PELI1: variants seen among roughly 807,000 people sequenced by gnomAD.
PELI1 encodes the protein pellino E3 ubiquitin protein ligase 1.
In PELI1, 15 loss-of-function variants were observed where a neutral mutation model predicts 41.3. That is an observed-to-expected ratio of 0.36 (90% CI 0.24 to 0.56). The LOEUF is 0.56. Ranked by LOEUF, PELI1 falls within the 20% of genes least tolerant of loss-of-function variation. The pLI is 0.82. For synonymous variants in PELI1, 178 were observed against 180.1 expected (o/e 0.99, Z 0.09); for missense variants, 403 against 525.5 (o/e 0.77, Z 2.28).
In PELI1 at chr2:64,092,813, C is replaced by T. The variant is rs1680099406; in HGVS notation, c.*1889G>A. The stretch of plus-strand genomic sequence containing the variant: ...TTCACAGTTTTCACTTCTGGTTTCT[C>T]ATTCTCGATTATGCAAAAATGAACT... On this transcript the variant is annotated 3_prime_UTR_variant, in exon 7 of 7. Transcript: ENST00000358912. 1 of 152,178 alleles carries T rather than the reference C, an allele frequency of 6.6e-6. No individual in the cohort carries two copies. Among genetic ancestry groups the T allele is most frequent in the Non-Finnish European group, 1.5e-5 (1 of 68,022 alleles). 9.4% of individuals were successfully genotyped at this position (152,178 alleles called of 1,614,324 possible).
intron 1 of PELI1, among the ~76,000 whole-genome samples, chr2:64,131,765 C>T (rs977278622): frequency 2.0e-5 from 3 of 152,056 alleles, no homozygotes; most frequent in Admixed American, 6.6e-5. Context: ...AGATTACAGG[C>T]ACACACCACC....
chr2:64,143,618 G>A (rs1457194916), intron 1 of PELI1: 1 of 152,176 alleles, frequency 6.6e-6, no homozygotes, highest in Non-Finnish European at 1.5e-5. Flanking sequence ...CAGAGATGAT[G>A]ACAACAATCA....
chr2:64,138,085 G>C (rs1012652448), intron 1 of PELI1, among the ~76,000 whole-genome samples: 1 of 152,098 alleles, frequency 6.6e-6, no homozygotes, highest in African/African-American at 2.4e-5. Flanking sequence ...CCCTGATCTA[G>C]TTACGCTAGT....
rs1266117870 is a variant in PELI1 at position 64,124,961 on chromosome 2, T to C, written c.-69-16582A>G. Among the ~76,000 whole-genome samples, 3 of 152,066 alleles carry C rather than the reference T, an allele frequency of 2.0e-5. No individual in the cohort carries two copies. The East Asian group carries it at 5.8e-4, about 29-fold the overall frequency. ...CCCACAACCCCCTCCTCAGGTTCCA[T>C]AATTTACTGGTACAGCTCACAGAAG... On this transcript the variant is annotated intron_variant, in intron 1 of 6. Coordinates refer to ENST00000358912, the MANE Select transcript of PELI1 (RefSeq NM_020651.4).
intron 2 of PELI1, 59 bp downstream of exon 2, chr2:64,108,181 G>C: frequency 2.2e-6 from 2 of 917,994 alleles, no homozygotes; most frequent in South Asian, 3.1e-5. Context: ...TTTTAGCCTA[G>C]ATGCCAAAGT....
chr2:64,104,538 G>A (rs764773125), intron 3 of PELI1, 163 bp downstream of exon 3: 17 of 1,086,550 alleles, frequency 1.6e-5, no homozygotes, highest in Non-Finnish European at 7.2e-6. Flanking sequence ...CTTCCATATG[G>A]CAGCTCTTCA....
In PELI1 at chr2:64,095,199, G is replaced by A. The variant is rs1164957720; in HGVS notation, c.760C>T (p.Arg254Cys). The change falls in exon 7 of 7, where the codon CGT (arginine) becomes TGT (cysteine). Residue 254 changes from arginine (R) to cysteine (C), a missense_variant. Arg to Cys is a radical substitution (Grantham distance 180, BLOSUM62 -3). Transcript: ENST00000358912. ...GTGTGGGAAAGGCCTTCTGCAGTAC[G>A]CCATAACAATGTTGCACCACAGAGG... is the stretch of plus-strand genomic sequence containing the variant. ...IDLCGATLLW[R>C]TAEGLSHTPT... 1.2e-6 allele frequency: 2 copies of A among 1,613,792 alleles called. No individual in the cohort carries two copies. The highest frequency in any genetic ancestry group is 1.1e-5 in the South Asian group (1 of 91,080).
rs1028490615 is a variant in PELI1, at chr2:64,126,201, G to C, written c.-69-17822C>G. ...TTTTTTTGAGACGGAGTCTCACTCT[G>C]TTGCCAGGCTGGAGTGCAGTCACAC... On this transcript the variant is annotated intron_variant, in intron 1 of 6. Transcript: ENST00000358912. Among the ~76,000 whole-genome samples the C allele has an allele frequency of 5.9e-5, 9 of 152,198 alleles. No individual in the cohort carries two copies. The East Asian group carries it at 1.7e-3, about 29-fold the overall frequency.
chr2:64,109,905 G>A (rs1680748902), intron 1 of PELI1, among the ~76,000 whole-genome samples: 1 of 152,100 alleles, frequency 6.6e-6, no homozygotes, highest in Non-Finnish European at 1.5e-5. Context: ...TAACACGTGT[G>A]TCACTGGACA....
intron 1 of PELI1, among the ~76,000 whole-genome samples, chr2:64,118,163 A>G (rs1420602826): frequency 6.6e-6 from 1 of 152,164 alleles, no homozygotes; most frequent in Non-Finnish European, 1.5e-5. Flanking sequence ...TGATATTCTT[A>G]TTTAACCCTT....
chr2:64,131,171 C>T (rs1286247172), intron 1 of PELI1, among the ~76,000 whole-genome samples: 2 of 151,888 alleles, frequency 1.3e-5, no homozygotes, highest in Non-Finnish European at 2.9e-5. Context: ...AACTAGCTAT[C>T]AACAAATTTC....
chr2:64,104,359 A>G (rs538526973), intron 3 of PELI1, among the ~76,000 whole-genome samples: 1 of 152,332 alleles, frequency 6.6e-6, no homozygotes, highest in South Asian at 2.1e-4. Context: ...CCCCTCTAGT[A>G]ACAGAGTGGG....
intron 4 of PELI1, among the ~76,000 whole-genome samples, chr2:64,098,420 C>G (rs1347949499): frequency 6.6e-6 from 1 of 152,206 alleles, no homozygotes; most frequent in East Asian, 1.9e-4. Flanking sequence ...CAAGCTACAA[C>G]AGCTTATTCG....
chr2:64,140,114 T>C (rs1311800838), intron 1 of PELI1, among the ~76,000 whole-genome samples: 1 of 152,194 alleles, frequency 6.6e-6, no homozygotes, highest in Non-Finnish European at 1.5e-5. Flanking sequence ...CTGCAGAAGA[T>C]GGTGGGAAAC....
rs1338632679 is a variant in PELI1, at chr2:64,093,857, A to C, written c.*845T>G. 1 of 152,686 alleles carries C rather than the reference A, an allele frequency of 6.5e-6. No homozygotes were observed. The highest frequency in any genetic ancestry group is 2.4e-5 in the African/African-American group (1 of 41,470). The allele number at this position is 152,686 out of a possible 1,614,324, so 9.5% of individuals were successfully genotyped here. ...AACCACAGTTTATATCCAAAAAATA[A>C]ACTTGCCAAATGCTGCTGATACTAA... On this transcript the variant is annotated 3_prime_UTR_variant, in exon 7 of 7. Coordinates refer to ENST00000358912, the MANE Select transcript of PELI1 (RefSeq NM_020651.4).
At chr2:64,108,429 A>AAAT in intron 1 of PELI1, 50 bp from the exon 2 acceptor site, 2 of 687,470 alleles carry the variant, frequency 2.9e-6, no homozygotes, top group Non-Finnish European at 5.2e-6. Flanking sequence ...GTTTCAGTTT[A>AAAT]AATAAAGATG....
In PELI1 at chr2:64,100,465, T is replaced by C. The variant is rs1218440745; in HGVS notation, c.236A>G (p.Tyr79Cys). 2 of 1,585,160 alleles carry C rather than the reference T, an allele frequency of 1.3e-6. No homozygotes were observed. The highest frequency in any genetic ancestry group is 1.7e-6 in the Non-Finnish European group (2 of 1,153,840). ...ISNKDQHSIS[Y>C]TLSRAQTVVV... ...CACAGTCTGGGCCCGAGATAAAGTA[T>C]ATGATATGCTATGCTGGTCTTTGTT... The change falls in exon 4 of 7, where the codon TAT (tyrosine) becomes TGT (cysteine). Residue 79 changes from tyrosine to cysteine, a missense_variant. Physicochemically the swap from Tyr to Cys is radical, Grantham distance 194 (BLOSUM62 -2). Coordinates refer to ENST00000358912, the MANE Select transcript of PELI1 (RefSeq NM_020651.4).
rs1358744405 is a variant in PELI1, at chr2:64,093,632, G to A, written c.*1070C>T. ...CCTTAGGATTCAAACCCAGAGTTAAGGCTGGTCTGCTAAAAACGGGGGCAC... is the reference window on the plus strand; with the variant it reads ...CCTTAGGATTCAAACCCAGAGTTAAAGCTGGTCTGCTAAAAACGGGGGCAC... On this transcript the variant is annotated 3_prime_UTR_variant, in exon 7 of 7. Coordinates refer to ENST00000358912, the MANE Select transcript of PELI1 (RefSeq NM_020651.4). 1 of 152,594 alleles carries A rather than the reference G, an allele frequency of 6.6e-6. No individual in the cohort carries two copies. Among genetic ancestry groups the A allele is most frequent in the Non-Finnish European group, 1.5e-5 (1 of 68,034 alleles). The allele number at this position is 152,594 out of a possible 1,614,324, so 9.5% of individuals were successfully genotyped here. A position where few individuals can be genotyped will look rare whatever the true frequency, so the allele number is the denominator to read the frequency against.
rs1233888711 is a variant in PELI1, at chr2:64,096,037, A to T, written c.690+88T>A. The T allele has an allele frequency of 1.5e-5, 13 of 881,328 alleles. No homozygotes were observed. In the East Asian group the frequency reaches 2.4e-4, roughly 16 times the overall value. The allele number at this position is 881,328 out of a possible 1,614,324, so 54.6% of individuals were successfully genotyped here. On this transcript the variant is annotated intron_variant, in intron 6 of 6. Coordinates refer to ENST00000358912, the MANE Select transcript of PELI1 (RefSeq NM_020651.4). ...ATTCTGTGTTGGCAATAGATTTAAG[A>T]GTTTTCTGGAATGTATGTAATGCAT...
Sources: gnomAD v4.1 joint callset for allele counts (sites outside exome capture counted in the v4.1 genomes callset) on GRCh38, gnomAD v4.1.1 for gene constraint, MANE v1.5 for transcripts, NCBI Gene and HGNC (gene_info 2026-07-23, HGNC 2026-07-21) for gene names.